Variants in CAPRIN1 observed in about 807,000 individuals in gnomAD.
CAPRIN1 encodes the protein cell cycle associated protein 1.
A neutral mutation model predicts 100.9 loss-of-function variants in CAPRIN1; 29 were observed. That is an observed-to-expected ratio of 0.29 (90% confidence interval 0.21 to 0.39). The LOEUF is 0.39. Ranked by LOEUF, CAPRIN1 falls within the 10% of genes least tolerant of loss-of-function variation. The pLI is 1.00. For missense variants in CAPRIN1, 795 were observed against 876.7 expected (o/e 0.91, Z 1.18); for synonymous variants, 338 against 307.5 (o/e 1.10, Z -1.04).
At chr11:34,082,268 A>G (rs1851048040) in intron 7 of CAPRIN1, among the ~76,000 whole-genome samples, 1 of 151,408 alleles carries the variant, frequency 6.6e-6, no homozygotes, top group Admixed American at 6.6e-5. Flanking sequence ...GCTCACTGCA[A>G]CCTCCATCTC....
At chr11:34,083,306 T>TAG (rs1318559373) in intron 9 of CAPRIN1, among the ~76,000 whole-genome samples, 1 of 152,236 alleles carries the variant, frequency 6.6e-6, no homozygotes, top group Admixed American at 6.5e-5. Flanking sequence ...ATTTGTCTCT[T>TAG]ACTGAAATTA....
rs569776489 is a variant in CAPRIN1, at chr11:34,097,820, A to G, written c.2065+59A>G. 3.1e-6 allele frequency: 5 copies of G among 1,612,744 alleles called. No homozygotes were observed. The South Asian group carries it at 5.5e-5, about 18-fold the overall frequency. ...GTGGAGCTTCTGTTCTGGCCTTGGA[A>G]GAGCTGTTAATAGTCTGCATGTTAG... is the stretch of plus-strand genomic sequence containing the variant. On this transcript the variant is annotated intron_variant, in intron 18 of 18. Coordinates refer to ENST00000341394, the MANE Select transcript of CAPRIN1 (RefSeq NM_005898.5).
In CAPRIN1 at chr11:34,059,653, A is replaced by G. The variant is rs184923602; in HGVS notation, c.216+7017A>G. 2.2e-3 allele frequency among the ~76,000 whole-genome samples: 342 copies of G among 152,306 alleles called. 1 individual carries two copies. The highest frequency in any genetic ancestry group is 0.014 in the Middle Eastern group (4 of 294). ...TGCTGCGCTTTCTCACACATGGTAT[A>G]TGCTGAATAAGTACTTGGTAGTTTG... On this transcript the variant is annotated intron_variant, in intron 2 of 18. Transcript: ENST00000341394.
At chr11:34,087,592 C>CA (rs1305608390) in intron 11 of CAPRIN1, among the ~76,000 whole-genome samples, 1 of 122,710 alleles carries the variant, frequency 8.1e-6, no homozygotes, top group African/African-American at 3.3e-5. Flanking sequence ...CTCGGCCTCC[C>CA]AAAGTGCTGG....
intron 2 of CAPRIN1, among the ~76,000 whole-genome samples, chr11:34,065,171 C>T: frequency 6.6e-6 from 1 of 151,818 alleles, no homozygotes; most frequent in East Asian, 1.9e-4. Flanking sequence ...ACCTTGTTAG[C>T]CAGGATGGTC....
At chr11:34,093,856 C>T (rs1851311054) in intron 15 of CAPRIN1, among the ~76,000 whole-genome samples, 1 of 151,804 alleles carries the variant, frequency 6.6e-6, no homozygotes, top group Non-Finnish European at 1.5e-5. Context: ...TGGTCTCGAA[C>T]ACCAGTCACA....
At chr11:34,080,273 T>G (rs376777300) in intron 7 of CAPRIN1, among the ~76,000 whole-genome samples, 1 of 152,260 alleles carries the variant, frequency 6.6e-6, no homozygotes, top group South Asian at 2.1e-4. Context: ...CCAGTATTCA[T>G]TATATTTGTC....
chr11:34,056,365 A>C (rs1041142870), intron 2 of CAPRIN1: 1 of 152,230 alleles, frequency 6.6e-6, no homozygotes, highest in Non-Finnish European at 1.5e-5. Context: ...TTTCCTAATA[A>C]TTTGAGCCAT....
chr11:34,096,182 C>G (rs1851363970), intron 15 of CAPRIN1: 1 of 209,242 alleles, frequency 4.8e-6, no homozygotes, highest in Non-Finnish European at 9.4e-6. Flanking sequence ...AAGTAGATGC[C>G]TTTCAGAAGA....
Position 34,068,397 on chromosome 11 carries a change from A to G in CAPRIN1, c.217-3329A>G, listed in dbSNP as rs1159788527. ...TGGCAGGGGAAGTAGACTAGTTGTT[A>G]ATGGAGTAGTGCCAAGGTCACATTT... is the stretch of plus-strand genomic sequence containing the variant. On this transcript the variant is annotated intron_variant, in intron 2 of 18. Coordinates refer to ENST00000341394, the MANE Select transcript of CAPRIN1 (RefSeq NM_005898.5). 5.5e-4 allele frequency among the ~76,000 whole-genome samples: 84 copies of G among 152,210 alleles called. 2 individuals are homozygous for G. The highest frequency in any genetic ancestry group is 5.5e-3 in the Admixed American group (84 of 15,270).
chr11:34,065,355 C>T (rs1466820784), intron 2 of CAPRIN1, among the ~76,000 whole-genome samples: 1 of 152,200 alleles, frequency 6.6e-6, no homozygotes, highest in African/African-American at 2.4e-5. Flanking sequence ...AAGTTAATTA[C>T]AATGTATTTG....
chr11:34,094,013 CTA>C (rs1486098677), intron 15 of CAPRIN1, among the ~76,000 whole-genome samples: 1 of 152,004 alleles, frequency 6.6e-6, no homozygotes, highest in Non-Finnish European at 1.5e-5. Flanking sequence ...GAAGTAGAAA[CTA>C]TATATATGTG....
chr11:34,081,552 C>A (rs983139046), intron 7 of CAPRIN1, among the ~76,000 whole-genome samples: 2 of 150,796 alleles, frequency 1.3e-5, no homozygotes, highest in Non-Finnish European at 2.9e-5. Context: ...GGAGTGTAGT[C>A]GCATGATCTT....
At chr11:34,085,814 A>T (rs1009564086) in intron 9 of CAPRIN1, among the ~76,000 whole-genome samples, 22 of 152,216 alleles carry the variant, frequency 1.4e-4, no homozygotes, top group South Asian at 8.3e-4. Context: ...GAAAGAAAAA[A>T]AAATAAATAA....
At chr11:34,087,575 C>T (rs573221338) in intron 11 of CAPRIN1, among the ~76,000 whole-genome samples, 15 of 122,690 alleles carry the variant, frequency 1.2e-4, no homozygotes, top group South Asian at 2.4e-4. Context: ...CCTCGTGATC[C>T]GCCCGCCTCG....
intron 2 of CAPRIN1, among the ~76,000 whole-genome samples, chr11:34,069,313 C>T (rs550736631): frequency 1.3e-5 from 2 of 151,974 alleles, no homozygotes; most frequent in East Asian, 3.9e-4. Context: ...CCATGCCTGG[C>T]TAATTTTTGT....
At chr11:34,092,426 G>A (rs144030754) in intron 15 of CAPRIN1, among the ~76,000 whole-genome samples, 30 of 150,298 alleles carry the variant, frequency 2.0e-4, no homozygotes, top group African/African-American at 7.1e-4. Context: ...CCGTGATCTC[G>A]GCTTACTGCA....
chr11:34,097,050 AGATTG>A, intron 16 of CAPRIN1, 141 bp from the exon 17 acceptor site: 1 of 644,048 alleles, frequency 1.6e-6, no homozygotes, highest in Non-Finnish European at 2.7e-6. Context: ...ATTTATAAAC[AGATTG>A]GATCAAGATA....
At chr11:34,098,386 T>C (rs943750160) in intron 18 of CAPRIN1, 1 of 985,294 alleles carries the variant, frequency 1.0e-6, no homozygotes, top group Non-Finnish European at 1.2e-6. Context: ...TTTTTTGTTT[T>C]TCTTTTACTG....
Sources: gnomAD v4.1 joint callset for allele counts (sites outside exome capture counted in the v4.1 genomes callset) on GRCh38, gnomAD v4.1.1 for gene constraint, MANE v1.5 for transcripts, NCBI Gene and HGNC (gene_info 2026-07-23, HGNC 2026-07-21) for gene names.